Variants in ZDHHC4 observed in about 807,000 individuals in gnomAD.
ZDHHC4 encodes the protein zDHHC palmitoyltransferase 4.
Under a neutral mutation model 36.7 loss-of-function variants are expected in ZDHHC4, and 42 were observed. That is an observed-to-expected ratio of 1.14 (90% CI 0.89 to 1.48). The LOEUF is 1.48. ZDHHC4 is among the 40% of genes most tolerant of loss of function. The pLI is 0.00. For synonymous variants in ZDHHC4, 189 were observed against 166.6 expected (o/e 1.13, Z -1.03); for missense variants, 457 against 421.5 (o/e 1.08, Z -0.74).
chr7:6,580,644 A>AT lies in ZDHHC4; in HGVS notation c.84dup (p.Ser29Ter), dbSNP rs1562539604. On this transcript the variant is annotated frameshift_variant, in exon 3 of 8. Coordinates refer to ENST00000335965, the MANE Select transcript of ZDHHC4 (RefSeq NM_001134389.2). LOFTEE classifies it high-confidence loss of function. ...CTTATCTGCGTCTGCTCGAAAACCC[A>AT]TAGCTTGAAAGGCCTGGCCAGGGGA... 1 of 1,614,120 alleles carries AT rather than the reference A, an allele frequency of 6.2e-7. No homozygotes were observed. Among genetic ancestry groups the AT allele is most frequent in the Non-Finnish European group, 8.5e-7 (1 of 1,180,004 alleles).
intron 6 of ZDHHC4, among the ~76,000 whole-genome samples, chr7:6,584,745 C>T (rs1781109116): frequency 6.6e-6 from 1 of 152,130 alleles, no homozygotes; most frequent in South Asian, 2.1e-4. Context: ...GTGATCCTCC[C>T]GCCTAGCCTC....
At position 6,588,884 on chromosome 7, in the gene ZDHHC4, T is replaced by A; in HGVS notation, c.1009T>A (p.Cys337Ser). The A allele has an allele frequency of 6.2e-7, 1 of 1,608,184 alleles. No individual in the cohort carries two copies. The highest frequency in any genetic ancestry group is 8.5e-7 in the Non-Finnish European group (1 of 1,174,900). The change falls in exon 8 of 8, where the codon TGT becomes AGT. Residue 337 changes from cysteine (C) to serine (S), a missense_variant. Coordinates refer to ENST00000335965, the MANE Select transcript of ZDHHC4 (RefSeq NM_001134389.2). ...LQEIFLPAFP[C>S]HERKKQE is the part of the protein sequence containing the mutation. ...AGAGATCTTTCTACCTGCCTTTCCA[T>A]GTCATGAGAGGAAGAAACAAGAATG...
intron 3 of ZDHHC4, among the ~76,000 whole-genome samples, chr7:6,581,393 C>T (rs138805521): frequency 1.3e-5 from 2 of 152,308 alleles, no homozygotes; most frequent in African/African-American, 2.4e-5. Flanking sequence ...CAGGTGCCTT[C>T]GTCAGAATCA....
chr7:6,582,070 C>G lies in ZDHHC4; in HGVS notation c.192-3C>G, dbSNP rs749295763. 1.5e-5 allele frequency: 24 copies of G among 1,609,306 alleles called. No homozygotes were observed. Among genetic ancestry groups the G allele is most frequent in the South Asian group, 5.5e-5 (5 of 90,834 alleles). ...TGAACAAGCCATGCCTGTTTTCTTT[C>G]AGAAACCACACCTTCATTGTCCTGC... is the stretch of plus-strand genomic sequence containing the variant. On this transcript the variant is annotated splice_polypyrimidine_tract_variant and splice_region_variant and intron_variant, in intron 4 of 7. Transcript: ENST00000335965.
intron 6 of ZDHHC4, chr7:6,584,193 T>C (rs1367659194): frequency 6.6e-6 from 1 of 152,226 alleles, no homozygotes; most frequent in East Asian, 1.9e-4. Context: ...AAAAAATTCT[T>C]CATGAGATAG....
At chr7:6,581,764 C>T (rs2115164177) in intron 4 of ZDHHC4, 84 bp downstream of exon 4, 3 of 1,168,718 alleles carry the variant, frequency 2.6e-6, no homozygotes, top group Middle Eastern at 2.5e-4. Context: ...CAGGAAGCTC[C>T]TTGTGGTTTC....
Position 6,588,768 on chromosome 7 carries a change from G to A in ZDHHC4, c.893G>A (p.Cys298Tyr), listed in dbSNP as rs151329744. The change falls in exon 8 of 8, where the codon TGC becomes TAC. Residue 298 changes from cysteine (C) to tyrosine (Y), a missense_variant. Transcript: ENST00000335965. ...NEWYRGDWAW[C>Y]QRCPLVAWPP... The stretch of plus-strand genomic sequence containing the variant: ...TGGTACAGAGGTGACTGGGCCTGGT[G>A]CCAGCGTTGTCCCCTTGTGGCCTGG... The A allele has an allele frequency of 3.1e-6, 5 of 1,614,208 alleles. No homozygotes were observed. In the Admixed American group the frequency reaches 8.3e-5, roughly 27 times the overall value.
chr7:6,582,049 C>T (rs370141673), intron 4 of ZDHHC4, 24 bp from the exon 5 acceptor site: 52 of 1,599,878 alleles, frequency 3.3e-5, no homozygotes, highest in Non-Finnish European at 4.4e-5. Flanking sequence ...CCCCCATGAA[C>T]AAGCCATGCC....
intron 3 of ZDHHC4, chr7:6,580,922 A>G: frequency 2.0e-6 from 1 of 493,558 alleles, no homozygotes; most frequent in South Asian, 2.7e-5. Flanking sequence ...TCTCAACAAC[A>G]ACAAAAAAGA....
At chr7:6,578,778 C>T (rs1780621625) in intron 2 of ZDHHC4, 58 bp downstream of exon 2, 1 of 152,238 alleles carries the variant, frequency 6.6e-6, no homozygotes, top group South Asian at 2.1e-4. Flanking sequence ...TTACTCTCAC[C>T]TATCATGTCA....
intron 1 of ZDHHC4, among the ~76,000 whole-genome samples, chr7:6,578,125 C>T (rs1780568669): frequency 6.6e-6 from 1 of 151,906 alleles, no homozygotes; most frequent in South Asian, 2.1e-4. Context: ...CCACCGCGCC[C>T]GGCCTCTTTT....
chr7:6,584,626 C>T (rs1193483665), intron 6 of ZDHHC4, among the ~76,000 whole-genome samples: 2 of 152,022 alleles, frequency 1.3e-5, no homozygotes, highest in Non-Finnish European at 2.9e-5. Context: ...GACAAAATGT[C>T]CTCTCTGTTT....
chr7:6,581,200 G>A (rs1372691207), intron 3 of ZDHHC4: 1 of 250,088 alleles, frequency 4.0e-6, no homozygotes, highest in African/African-American at 2.3e-5. Context: ...ATCAAAGTGA[G>A]CAAAACGGGG....
rs1321515772 is a variant in ZDHHC4 at position 6,582,238 on chromosome 7, T to G, written c.357T>G (p.Cys119Trp). 2 of 1,614,064 alleles carry G rather than the reference T, an allele frequency of 1.2e-6. No individual in the cohort carries two copies. The highest frequency in any genetic ancestry group is 8.5e-7 in the Non-Finnish European group (1 of 1,179,962). ...GVNLFFFTLT[C>W]GTNPGIITKA... is the part of the protein sequence containing the mutation. ...ACCTGTTTTTTTTCACCCTGACTTG[T>G]GGAACCAATCCTGGTAAGTTGAGGC... Residue 119 changes from cysteine (C) to tryptophan (W), a missense_variant, in exon 5 of 8, where the codon TGT becomes TGG. By Grantham distance (215) the Cys-to-Trp change is radical. Coordinates refer to ENST00000335965, the MANE Select transcript of ZDHHC4 (RefSeq NM_001134389.2).
intron 6 of ZDHHC4, 41 bp downstream of exon 6, chr7:6,583,472 C>G (rs770728723): frequency 5.0e-6 from 8 of 1,584,512 alleles, no homozygotes; most frequent in Non-Finnish European, 5.2e-6. Context: ...CCTCCAACAG[C>G]ACATGTGTGG....
At chr7:6,587,708 C>T (rs1193206249) in intron 7 of ZDHHC4, among the ~76,000 whole-genome samples, 3 of 152,158 alleles carry the variant, frequency 2.0e-5, no homozygotes. Flanking sequence ...GTTTACCCTT[C>T]CTGACGGATG....
chr7:6,581,261 C>T (rs765654337), intron 3 of ZDHHC4: 18 of 314,132 alleles, frequency 5.7e-5, no homozygotes, highest in Non-Finnish European at 1.0e-4. Flanking sequence ...GGCCAATGCC[C>T]AGTGATCTGG....
chr7:6,583,242 G>T (rs528729557), intron 5 of ZDHHC4, 64 bp from the exon 6 acceptor site: 4 of 1,565,096 alleles, frequency 2.6e-6, no homozygotes, highest in African/African-American at 1.4e-5. Flanking sequence ...TTATCAGGAC[G>T]GGTTTTGTGA....
In ZDHHC4 at chr7:6,588,840, G is replaced by A; in HGVS notation, c.965G>A (p.Gly322Glu). 6 of 1,614,038 alleles carry A rather than the reference G, an allele frequency of 3.7e-6. No homozygotes were observed. The highest frequency in any genetic ancestry group is 5.1e-6 in the Non-Finnish European group (6 of 1,179,974). ...GTCCACCGGAACATTCACTCCCATG[G>A]GCTTCGGAGCAACCTTCAAGAGATC... The part of the protein sequence containing the change: ...PQVHRNIHSH[G>E]LRSNLQEIFL... Residue 322 changes from glycine to glutamate, a missense_variant, in exon 8 of 8, where the codon GGG becomes GAG. By Grantham distance (98) the Gly-to-Glu change is moderately conservative. Coordinates refer to ENST00000335965, the MANE Select transcript of ZDHHC4 (RefSeq NM_001134389.2).
Sources: allele counts gnomAD v4.1 joint callset (sites outside exome capture counted in the v4.1 genomes callset), GRCh38; gene constraint gnomAD v4.1.1; transcripts MANE v1.5; gene names NCBI Gene and HGNC (gene_info 2026-07-23, HGNC 2026-07-21).